Variants in NKAIN2 observed in about 807,000 individuals in gnomAD.
NKAIN2 encodes the protein sodium/potassium-transporting ATPase subunit beta-1-interacting protein 2.
NKAIN2 carries 14 observed loss-of-function variants against 32.6 expected under a neutral mutation model. The observed-to-expected ratio is 0.43, with a 90% CI of 0.28 to 0.67. The LOEUF (loss-of-function observed/expected upper bound fraction) is 0.67. Ranked by LOEUF, NKAIN2 falls within the 30% of genes least tolerant of loss-of-function variation. NKAIN2 has a pLI of 0.17. For missense variants in NKAIN2, 198 were observed against 258.3 expected, an observed-to-expected ratio of 0.77 and a Z score of 1.60; for synonymous variants, 80 against 87.2, an observed-to-expected ratio of 0.92 and a Z score of 0.46.
At chr6:124,478,480 T>C (rs184161560) in intron 3 of NKAIN2, among the ~76,000 whole-genome samples, 1 of 152,226 alleles carries the variant, frequency 6.6e-6, no homozygotes, top group Admixed American at 6.5e-5. Flanking sequence ...AAGAAAGTAC[T>C]AAAACATGTA....
chr6:123,994,963 G>A (rs1779557279), intron 1 of NKAIN2, among the ~76,000 whole-genome samples: 1 of 152,048 alleles, frequency 6.6e-6, no homozygotes, highest in Non-Finnish European at 1.5e-5. Flanking sequence ...CACTTTTTGA[G>A]GTGAAAATCA....
chr6:123,925,382 T>C (rs1775962195), intron 1 of NKAIN2, among the ~76,000 whole-genome samples: 1 of 152,188 alleles, frequency 6.6e-6, no homozygotes. Context: ...CCAAGGGCTA[T>C]AAAACAAAGT....
intron 1 of NKAIN2, among the ~76,000 whole-genome samples, chr6:124,229,467 T>A (rs2114727984): frequency 6.6e-6 from 1 of 151,046 alleles, no homozygotes; most frequent in African/African-American, 2.4e-5. Flanking sequence ...TTCACATATT[T>A]CCAAGTATTT....
At chr6:124,528,200 A>G (rs1779391139) in intron 3 of NKAIN2, among the ~76,000 whole-genome samples, 1 of 152,206 alleles carries the variant, frequency 6.6e-6, no homozygotes, top group South Asian at 2.1e-4. Context: ...AGGGAGTACC[A>G]ATGGGATTGA....
At chr6:124,733,243 C>A (rs574888394) in intron 4 of NKAIN2, among the ~76,000 whole-genome samples, 1 of 151,866 alleles carries the variant, frequency 6.6e-6, no homozygotes, top group African/African-American at 2.4e-5. Flanking sequence ...ATGGTGGATA[C>A]ATGAAATTAT....
chr6:123,858,114 A>T (rs1775629597), intron 1 of NKAIN2, among the ~76,000 whole-genome samples: 1 of 150,948 alleles, frequency 6.6e-6, no homozygotes, highest in African/African-American at 2.4e-5. Context: ...TAACATTATT[A>T]TTATTATTTT....
At chr6:123,815,490 T>A (rs1044770466) in intron 1 of NKAIN2, among the ~76,000 whole-genome samples, 8 of 152,168 alleles carry the variant, frequency 5.3e-5, no homozygotes, top group Admixed American at 3.9e-4. Context: ...TTATTTTTCA[T>A]ATCTCTAGAG....
At chr6:124,402,984 C>T (rs931108100) in intron 3 of NKAIN2, among the ~76,000 whole-genome samples, 8 of 152,152 alleles carry the variant, frequency 5.3e-5, no homozygotes, top group African/African-American at 1.9e-4. Flanking sequence ...TTCTCAAGAG[C>T]TTGACTCTTC....
At chr6:124,429,210 T>A (rs1775106904) in intron 3 of NKAIN2, among the ~76,000 whole-genome samples, 1 of 151,636 alleles carries the variant, frequency 6.6e-6, no homozygotes, top group Admixed American at 6.6e-5. Context: ...GCTAATTTTT[T>A]TTTTTTTTTC....
intron 3 of NKAIN2, among the ~76,000 whole-genome samples, chr6:124,608,843 A>T (rs1440037599): frequency 6.6e-6 from 1 of 152,202 alleles, no homozygotes; most frequent in Non-Finnish European, 1.5e-5. Context: ...GACCACAGGC[A>T]GATGCCTGTG....
At chr6:124,364,249 A>G (rs112501428) in intron 3 of NKAIN2, among the ~76,000 whole-genome samples, 1 of 83,992 alleles carries the variant, frequency 1.2e-5, no homozygotes, top group East Asian at 3.3e-4. Context: ...AAAAAAAAAA[A>G]AAGAGAGAAA....
intron 3 of NKAIN2, among the ~76,000 whole-genome samples, chr6:124,500,334 A>G (rs1167941583): frequency 1.3e-5 from 2 of 151,526 alleles, no homozygotes; most frequent in Non-Finnish European, 2.9e-5. Flanking sequence ...TGAGATGACA[A>G]CCCTTTTTTT....
intron 2 of NKAIN2, among the ~76,000 whole-genome samples, chr6:124,313,092 ACAGT>A (rs1200541692): frequency 1.3e-5 from 2 of 152,150 alleles, no homozygotes; most frequent in Admixed American, 6.6e-5. Flanking sequence ...ATATAATATC[ACAGT>A]CAGTATGTAT....
chr6:123,909,551 T>G (rs922394147), intron 1 of NKAIN2, among the ~76,000 whole-genome samples: 1 of 152,152 alleles, frequency 6.6e-6, no homozygotes, highest in Non-Finnish European at 1.5e-5. Context: ...TGCTTCTTCC[T>G]CTATAGGGAC....
At chr6:124,489,111 G>A (rs1777764542) in intron 3 of NKAIN2, among the ~76,000 whole-genome samples, 1 of 151,854 alleles carries the variant, frequency 6.6e-6, no homozygotes, top group Admixed American at 6.6e-5. Context: ...AATATAATCG[G>A]AGCTTGATAA....
intron 4 of NKAIN2, among the ~76,000 whole-genome samples, chr6:124,768,098 G>T (rs1778589684): frequency 6.6e-6 from 1 of 152,086 alleles, no homozygotes; most frequent in South Asian, 2.1e-4. Flanking sequence ...AATCAACAGA[G>T]TGTTTACATC....
chr6:124,401,983 TAATA>T (rs1440343391), intron 3 of NKAIN2, among the ~76,000 whole-genome samples: 1 of 152,234 alleles, frequency 6.6e-6, no homozygotes, highest in Admixed American at 6.5e-5. Context: ...TTATCCTAAA[TAATA>T]AATACTCTCC....
chr6:124,655,089 A>C (rs1430973873), intron 3 of NKAIN2, among the ~76,000 whole-genome samples: 1 of 152,110 alleles, frequency 6.6e-6, no homozygotes. Context: ...AAATCAATTA[A>C]CGATACCATC....
At chr6:124,785,331 T>A (rs1779451585) in intron 4 of NKAIN2, among the ~76,000 whole-genome samples, 1 of 152,138 alleles carries the variant, frequency 6.6e-6, no homozygotes, top group Non-Finnish European at 1.5e-5. Context: ...ATTGGAGCAT[T>A]TTTGCGATGT....
Sources: gnomAD v4.1 joint callset for allele counts (sites outside exome capture counted in the v4.1 genomes callset) on GRCh38, gnomAD v4.1.1 for gene constraint, MANE v1.5 for transcripts, NCBI Gene and HGNC (gene_info 2026-07-23, HGNC 2026-07-21) for gene names.